The following PLEKHA7 variants were observed in gnomAD, a reference collection of about 807,000 sequenced individuals.
The protein encoded by PLEKHA7 is pleckstrin homology domain containing A7, also known as pleckstrin homology domain-containing family A member 7.
A neutral mutation model predicts 170.0 loss-of-function variants in PLEKHA7; 104 were observed. The ratio of observed to expected loss-of-function variants is 0.61; its 90% CI spans 0.52 to 0.72. The LOEUF (loss-of-function observed/expected upper bound fraction) is 0.72. Ranked by LOEUF, PLEKHA7 falls within the 30% of genes least tolerant of loss-of-function variation. The pLI is 0.00. For synonymous variants in PLEKHA7, 648 were observed against 660.8 expected (o/e 0.98, Z 0.30); for missense variants, 1,615 against 1,671.7 (o/e 0.97, Z 0.59).
At chr11:16,982,892 T>G (rs1432380525) in intron 3 of PLEKHA7, among the ~76,000 whole-genome samples, 1 of 152,032 alleles carries the variant, frequency 6.6e-6, no homozygotes, top group African/African-American at 2.4e-5. Context: ...CTAGGATTCC[T>G]GGACTCCACA....
rs201574225 is a variant in PLEKHA7 at position 16,801,696 on chromosome 11, A to C, written c.2279T>G (p.Ile760Ser). ...GGACTCTCTGGAGAGCTCAGCTCGG[A>C]TATGGACAAGGTCCTCCTGCAGCAA... ...QKLLQEDLVH[I>S]RAELSRESTE... Residue 760 changes from isoleucine (I) to serine (S), a missense_variant, in exon 16 of 27, where the codon ATC (isoleucine) becomes AGC (serine). Transcript: ENST00000531066. 1 of 1,614,142 alleles carries C rather than the reference A, an allele frequency of 6.2e-7. No homozygotes were observed. Among genetic ancestry groups the C allele is most frequent in the African/African-American group, 1.3e-5 (1 of 75,060 alleles).
intron 3 of PLEKHA7, among the ~76,000 whole-genome samples, chr11:16,940,877 G>A (rs778324327): frequency 6.6e-6 from 1 of 152,132 alleles, no homozygotes; most frequent in South Asian, 2.1e-4. Context: ...AACAGGCCCA[G>A]TCCTCCCTAG....
intron 3 of PLEKHA7, among the ~76,000 whole-genome samples, chr11:16,977,748 G>C (rs1378012996): frequency 6.6e-6 from 1 of 152,128 alleles, no homozygotes; most frequent in Admixed American, 6.5e-5. Context: ...AGCTGCTCTA[G>C]GATCTTTGGT....
intron 3 of PLEKHA7, among the ~76,000 whole-genome samples, chr11:16,891,794 C>A (rs545395274): frequency 6.6e-6 from 1 of 152,254 alleles, no homozygotes; most frequent in African/African-American, 2.4e-5. Context: ...AGAGACAGAC[C>A]AGGGCTGTGA....
At chr11:16,983,378 A>G (rs1863552448) in intron 3 of PLEKHA7, among the ~76,000 whole-genome samples, 1 of 152,184 alleles carries the variant, frequency 6.6e-6, no homozygotes, top group Non-Finnish European at 1.5e-5. Context: ...AAACCACATC[A>G]GACCATGTGA....
intron 9 of PLEKHA7, among the ~76,000 whole-genome samples, chr11:16,830,466 A>G (rs1165654194): frequency 6.6e-6 from 1 of 152,222 alleles, no homozygotes; most frequent in Admixed American, 6.5e-5. Flanking sequence ...GGTTACTCCA[A>G]TTGTGATACC....
intron 3 of PLEKHA7, among the ~76,000 whole-genome samples, chr11:16,971,567 T>C (rs1862713910): frequency 6.6e-6 from 1 of 152,228 alleles, no homozygotes; most frequent in Non-Finnish European, 1.5e-5. Flanking sequence ...CCATAACCAC[T>C]ATTACTATTA....
chr11:16,824,062 T>C (rs1450132618), intron 10 of PLEKHA7, among the ~76,000 whole-genome samples: 1 of 152,144 alleles, frequency 6.6e-6, no homozygotes, highest in African/African-American at 2.4e-5. Flanking sequence ...ATTAAAACAA[T>C]TGAACTCATG....
intron 3 of PLEKHA7, among the ~76,000 whole-genome samples, chr11:16,940,518 C>T (rs1860620620): frequency 6.6e-6 from 1 of 151,898 alleles, no homozygotes; most frequent in Non-Finnish European, 1.5e-5. Flanking sequence ...GAACTCCTGA[C>T]CTCAGGTGAT....
chr11:16,921,669 CAAT>C (rs1449621050), intron 3 of PLEKHA7, among the ~76,000 whole-genome samples: 1 of 152,042 alleles, frequency 6.6e-6, no homozygotes, highest in Admixed American at 6.5e-5. Flanking sequence ...GAAATGTGGA[CAAT>C]AATTAAGTTG....
intron 3 of PLEKHA7, among the ~76,000 whole-genome samples, chr11:16,953,513 C>T (rs905993602): frequency 6.6e-6 from 1 of 152,058 alleles, no homozygotes; most frequent in Non-Finnish European, 1.5e-5. Context: ...TGATAAGGAC[C>T]GGGGCTTTCC....
chr11:16,877,996 T>C (rs1028644631), intron 3 of PLEKHA7, among the ~76,000 whole-genome samples: 5 of 152,232 alleles, frequency 3.3e-5, no homozygotes, highest in African/African-American at 1.2e-4. Flanking sequence ...AACAGGCATC[T>C]ACATTTTAAC....
chr11:16,926,289 CTT>C (rs1371507571), intron 3 of PLEKHA7, among the ~76,000 whole-genome samples: 1 of 152,178 alleles, frequency 6.6e-6, no homozygotes, highest in Non-Finnish European at 1.5e-5. Context: ...AACTATGTCT[CTT>C]TTCTTTCTCT....
chr11:16,802,940 C>A, intron 15 of PLEKHA7, 32 bp downstream of exon 15: 3 of 1,544,218 alleles, frequency 1.9e-6, no homozygotes, highest in Non-Finnish European at 2.7e-6. Context: ...GTCCCTCTGC[C>A]CATTCCAAGA....
At chr11:16,951,617 T>C (rs573630457) in intron 3 of PLEKHA7, among the ~76,000 whole-genome samples, 1 of 152,324 alleles carries the variant, frequency 6.6e-6, no homozygotes, top group African/African-American at 2.4e-5. Flanking sequence ...CATGCCATCA[T>C]CTAGGTAAGC....
At chr11:16,788,882 T>A in intron 23 of PLEKHA7, 2 of 627,344 alleles carry the variant, frequency 3.2e-6, no homozygotes, top group Non-Finnish European at 5.5e-6. Flanking sequence ...CTGGGCCTGT[T>A]TGATCCTCAC....
chr11:16,796,639 C>T (rs1342765859), intron 17 of PLEKHA7, among the ~76,000 whole-genome samples: 2 of 152,090 alleles, frequency 1.3e-5, no homozygotes, highest in African/African-American at 4.8e-5. Context: ...GAAACGTATA[C>T]TTTAGAAGGG....
At chr11:16,794,158 G>A (rs944126664) in intron 19 of PLEKHA7, among the ~76,000 whole-genome samples, 25 of 151,564 alleles carry the variant, frequency 1.6e-4, no homozygotes, top group African/African-American at 5.8e-4. Flanking sequence ...GTTTGCATGG[G>A]GACAGCTTCG....
chr11:16,851,148 T>C (rs762027916), intron 8 of PLEKHA7, 43 bp downstream of exon 8: 1 of 1,443,766 alleles, frequency 6.9e-7, no homozygotes, highest in Non-Finnish European at 9.4e-7. Context: ...GAGAACACAG[T>C]TTCTTAGACA....
Sources: allele counts gnomAD v4.1 joint callset (sites outside exome capture counted in the v4.1 genomes callset), GRCh38; gene constraint gnomAD v4.1.1; transcripts MANE v1.5; gene names NCBI Gene and HGNC (gene_info 2026-07-23, HGNC 2026-07-21).